Variants in ANKRD36C observed in about 807,000 individuals in gnomAD.
ANKRD36C encodes ankyrin repeat domain 36C, also known as ankyrin repeat domain-containing protein 36C.
In ANKRD36C, 61 loss-of-function variants were observed where a neutral mutation model predicts 276.4. The observed-to-expected ratio is 0.22, with a 90% CI of 0.18 to 0.27. The LOEUF is 0.27. ANKRD36C is among the 10% of genes least tolerant of loss of function. The pLI, the probability that ANKRD36C is intolerant of heterozygous loss-of-function variation, is 1.00. For synonymous variants in ANKRD36C, 483 were observed against 680.1 expected, an observed-to-expected ratio of 0.71 and a Z score of 4.51; for missense variants, 1,447 against 2,032.3, an observed-to-expected ratio of 0.71 and a Z score of 5.54.
intron 53 of ANKRD36C, 44 bp downstream of exon 73, chr2:95,884,296 A>G: frequency 1.2e-6 from 2 of 1,610,380 alleles, no homozygotes. Context: ...TGTTTCATAG[A>G]CTATACAATT....
intron 6 of ANKRD36C, among the ~76,000 whole-genome samples, chr2:95,977,695 GGCA>G (rs1678842050): frequency 6.6e-6 from 1 of 152,006 alleles, no homozygotes; most frequent in South Asian, 2.1e-4. Context: ...CATGGGGATT[GGCA>G]GCACTAAATC....
At chr2:95,980,773 T>G in exon 5 of ANKRD36C, 1 of 1,593,612 alleles carries the variant, frequency 6.3e-7, no homozygotes, top group East Asian at 2.2e-5. Flanking sequence ...TAACAGCATG[T>G]ATGAGGGCTG....
intron 40 of ANKRD36C, among the ~76,000 whole-genome samples, chr2:95,912,785 G>A (rs1360057315): frequency 6.6e-6 from 1 of 151,416 alleles, no homozygotes; most frequent in Non-Finnish European, 1.5e-5. Context: ...GTCAGAACAG[G>A]TGCTATATGA....
chr2:95,925,018 G>A (rs1039062059), intron 30 of ANKRD36C, among the ~76,000 whole-genome samples: 2 of 151,500 alleles, frequency 1.3e-5, no homozygotes, highest in African/African-American at 4.8e-5. Context: ...TATAATTTCT[G>A]TTACTTCTTC....
chr2:95,862,135 T>C (rs546340252), intron 60 of ANKRD36C, among the ~76,000 whole-genome samples: 8 of 152,220 alleles, frequency 5.3e-5, no homozygotes, highest in Admixed American at 5.2e-4. Flanking sequence ...ACAGACAATT[T>C]CTAGGTAATC....
chr2:95,918,303 T>A (rs1445549566), intron 34 of ANKRD36C, among the ~76,000 whole-genome samples: 4 of 151,640 alleles, frequency 2.6e-5, no homozygotes, highest in African/African-American at 9.7e-5. Flanking sequence ...ACCGTGTCAA[T>A]CTCAATGTGG....
chr2:95,918,919 G>C (rs1677191420), intron 34 of ANKRD36C, among the ~76,000 whole-genome samples: 1 of 133,990 alleles, frequency 7.5e-6, no homozygotes, highest in African/African-American at 2.5e-5. Context: ...TATCATGTTA[G>C]TCTCTAAAGA....
chr2:95,980,080 C>A (rs1285993608), intron 5 of ANKRD36C, among the ~76,000 whole-genome samples: 1 of 152,036 alleles, frequency 6.6e-6, no homozygotes, highest in African/African-American at 2.4e-5. Flanking sequence ...TTAATCACTA[C>A]CAGACTGCAA....
chr2:95,887,850 A>G, intron 50 of ANKRD36C, 75 bp downstream of exon 70: 7 of 1,524,448 alleles, frequency 4.6e-6, no homozygotes, highest in Non-Finnish European at 6.2e-6. Context: ...TGAGCCCCGC[A>G]CTGATTTGTT....
chr2:95,962,431 G>A lies in ANKRD36C; in HGVS notation c.829-7C>T, dbSNP rs1157756068. On this transcript the variant is annotated splice_polypyrimidine_tract_variant and splice_region_variant and intron_variant, in intron 7 of 66. Transcript: ENST00000456556. ...CTTCCTTGCCACTTGTAGCCTGAGT[G>A]GGATTTGAAACAAAATAATCAATAC... The A allele has an allele frequency of 3.8e-6, 6 of 1,577,698 alleles. No individual in the cohort carries two copies. The highest frequency in any genetic ancestry group is 5.2e-6 in the Non-Finnish European group (6 of 1,162,310).
intron 26 of ANKRD36C, among the ~76,000 whole-genome samples, chr2:95,928,029 T>C (rs1677457702): frequency 6.6e-6 from 1 of 151,686 alleles, no homozygotes; most frequent in Admixed American, 6.6e-5. Flanking sequence ...TTTAGCCTTC[T>C]GAAAGTTTCT....
chr2:95,988,480 G>A (rs1679076725), intron 1 of ANKRD36C, among the ~76,000 whole-genome samples: 1 of 151,998 alleles, frequency 6.6e-6, no homozygotes, highest in Non-Finnish European at 1.5e-5. Flanking sequence ...GCTCAGGCTG[G>A]GCAGGTAAAC....
chr2:95,930,050 C>G (rs568783660), intron 24 of ANKRD36C, among the ~76,000 whole-genome samples: 2 of 151,598 alleles, frequency 1.3e-5, no homozygotes, highest in African/African-American at 4.8e-5. Context: ...GGAAATCACT[C>G]CAATATTCCT....
intron 54 of ANKRD36C, among the ~76,000 whole-genome samples, chr2:95,883,436 A>G (rs1007625005): frequency 9.2e-5 from 14 of 152,276 alleles, no homozygotes; most frequent in Non-Finnish European, 1.9e-4. Flanking sequence ...TGAAAAGCAA[A>G]GCCAATATAT....
exon 63 of ANKRD36C, chr2:95,855,579 T>C: frequency 6.2e-7 from 1 of 1,610,962 alleles, no homozygotes; most frequent in Non-Finnish European, 8.5e-7. Context: ...TTTTTCAATG[T>C]CCTTCATTTG....
chr2:95,981,521 T>G (rs1678916796), intron 4 of ANKRD36C, among the ~76,000 whole-genome samples: 1 of 147,392 alleles, frequency 6.8e-6, no homozygotes, highest in Non-Finnish European at 1.5e-5. Context: ...TACATATGTG[T>G]GTATATGTAA....
intron 6 of ANKRD36C, among the ~76,000 whole-genome samples, chr2:95,971,825 C>A (rs941085312): frequency 6.6e-6 from 1 of 151,746 alleles, no homozygotes; most frequent in African/African-American, 2.4e-5. Context: ...TTTATCTAAC[C>A]ATTTTACTGA....
intron 3 of ANKRD36C, among the ~76,000 whole-genome samples, chr2:95,985,324 A>C (rs1375205771): frequency 6.6e-6 from 1 of 152,226 alleles, no homozygotes; most frequent in Non-Finnish European, 1.5e-5. Flanking sequence ...AGGAAGCAGC[A>C]CCTATCTCCA....
intron 59 of ANKRD36C, among the ~76,000 whole-genome samples, chr2:95,875,698 A>G (rs1675934603): frequency 6.6e-6 from 1 of 152,192 alleles, no homozygotes; most frequent in South Asian, 2.1e-4. Context: ...AAATAAAATA[A>G]GAAAAGCAAA....
Sources: gnomAD v4.1 joint callset for allele counts (sites outside exome capture counted in the v4.1 genomes callset) on GRCh38, gnomAD v4.1.1 for gene constraint, MANE v1.5 for transcripts, NCBI Gene and HGNC (gene_info 2026-07-23, HGNC 2026-07-21) for gene names.